Variants in ROR1 observed in about 807,000 individuals in gnomAD.
ROR1 encodes the protein ROR family WNT receptor 1, also known as inactive tyrosine-protein kinase transmembrane receptor ROR1.
Under a neutral mutation model 78.8 loss-of-function variants are expected in ROR1, and 19 were observed. That is an observed-to-expected ratio of 0.24 (90% confidence interval 0.17 to 0.35). The LOEUF (loss-of-function observed/expected upper bound fraction) is 0.35. Ranked by LOEUF, ROR1 falls within the 10% of genes least tolerant of loss-of-function variation. The pLI is 1.00. For synonymous variants in ROR1, 386 were observed against 433.6 expected (o/e 0.89, Z 1.36); for missense variants, 917 against 1,177.8 (o/e 0.78, Z 3.24).
chr1:63,834,885 A>G (rs1007448704), intron 1 of ROR1, among the ~76,000 whole-genome samples: 6 of 151,964 alleles, frequency 3.9e-5, no homozygotes, highest in East Asian at 1.9e-4. Flanking sequence ...TACCTGATCA[A>G]TTCTGCTTGG....
chr1:64,139,971 A>C, intron 5 of ROR1, 138 bp from the exon 6 acceptor site: 10 of 698,362 alleles, frequency 1.4e-5, no homozygotes, highest in South Asian at 2.0e-5. Flanking sequence ...TCTGAAATGA[A>C]TCTCCTTCTC....
intron 1 of ROR1, among the ~76,000 whole-genome samples, chr1:63,874,411 G>A (rs192846974): frequency 3.9e-5 from 6 of 152,182 alleles, no homozygotes; most frequent in Admixed American, 3.3e-4. Flanking sequence ...GGCAGTGGTA[G>A]TGCAGGACAG....
intron 1 of ROR1, among the ~76,000 whole-genome samples, chr1:63,929,423 T>TTCTCTC (rs143762265): frequency 1.3e-4 from 20 of 150,200 alleles, no homozygotes; most frequent in Non-Finnish European, 1.6e-4. Context: ...AGAGTTTCAG[T>TTCTCTC]TCTCTCTCTC....
intron 1 of ROR1, chr1:63,789,104 G>C (rs1644709725): frequency 1.6e-6 from 1 of 615,584 alleles, no homozygotes; most frequent in East Asian, 3.8e-5. Flanking sequence ...GGTAGGCCAA[G>C]GTGTTTTCCT....
At chr1:63,938,613 G>A (rs747435607) in intron 1 of ROR1, among the ~76,000 whole-genome samples, 11 of 152,194 alleles carry the variant, frequency 7.2e-5, no homozygotes, top group African/African-American at 2.4e-4. Context: ...TGAAATCTCC[G>A]TGAAGCCCAT....
chr1:63,910,031 T>A (rs1346072715), intron 1 of ROR1, among the ~76,000 whole-genome samples: 3 of 152,230 alleles, frequency 2.0e-5, no homozygotes, highest in African/African-American at 7.2e-5. Context: ...TAACATTCTC[T>A]TAACAAGGCA....
intron 4 of ROR1, among the ~76,000 whole-genome samples, chr1:64,136,515 C>T (rs1413751936): frequency 6.6e-6 from 1 of 151,954 alleles, no homozygotes; most frequent in African/African-American, 2.4e-5. Flanking sequence ...CGTAGGCCCT[C>T]GTGGGAGATG....
chr1:63,831,847 A>G (rs778073921), intron 1 of ROR1, among the ~76,000 whole-genome samples: 15 of 152,168 alleles, frequency 9.9e-5, no homozygotes, highest in Non-Finnish European at 2.1e-4. Flanking sequence ...TTCCCTTTTA[A>G]ACATAAATCC....
chr1:63,929,554 C>G (rs549886688), intron 1 of ROR1, among the ~76,000 whole-genome samples: 20 of 152,222 alleles, frequency 1.3e-4, no homozygotes, highest in African/African-American at 4.8e-4. Context: ...GGAAAAGCAG[C>G]CTAGAGGGAT....
intron 1 of ROR1, among the ~76,000 whole-genome samples, chr1:63,884,400 G>A (rs539432736): frequency 6.6e-5 from 10 of 152,216 alleles, no homozygotes; most frequent in South Asian, 6.2e-4. Context: ...GGCCTGCCCC[G>A]GTGCCATGAT....
At chr1:63,906,011 A>G (rs1178602552) in intron 1 of ROR1, among the ~76,000 whole-genome samples, 3 of 152,170 alleles carry the variant, frequency 2.0e-5, no homozygotes, top group South Asian at 4.1e-4. Flanking sequence ...TTCCATTTAG[A>G]ATGTTTTTAG....
intron 5 of ROR1, among the ~76,000 whole-genome samples, chr1:64,139,191 A>G (rs901090701): frequency 1.3e-5 from 2 of 150,222 alleles, no homozygotes; most frequent in African/African-American, 2.4e-5. Flanking sequence ...AAAAAAAAAA[A>G]GTGGAAGTTT....
At chr1:63,933,083 G>A (rs766074790) in intron 1 of ROR1, among the ~76,000 whole-genome samples, 1 of 152,136 alleles carries the variant, frequency 6.6e-6, no homozygotes, top group Non-Finnish European at 1.5e-5. Context: ...AAAATTATAA[G>A]AACTGACCCT....
At chr1:64,120,222 TG>T (rs78163791) in intron 4 of ROR1, among the ~76,000 whole-genome samples, 22,957 of 151,986 alleles carry the variant, frequency 0.15, 2,089 homozygotes, top group Non-Finnish European at 0.2. Context: ...AACAGGACCA[TG>T]GAAAGCCTGG....
intron 1 of ROR1, among the ~76,000 whole-genome samples, chr1:63,903,871 C>T (rs1451294277): frequency 1.3e-5 from 2 of 151,724 alleles, no homozygotes; most frequent in East Asian, 3.9e-4. Context: ...TTATAAGAAA[C>T]GAAATAATCA....
In ROR1 at chr1:64,084,955, C is replaced by T. The variant is rs183319058; in HGVS notation, c.482+34239C>T. On this transcript the variant is annotated intron_variant, in intron 4 of 8. Coordinates refer to ENST00000371079, the MANE Select transcript of ROR1 (RefSeq NM_005012.4). ...AAGAGATTTATAATACTTTCTGATTCCATCCAGTTTCAAATAATTTTATGA... is the reference window on the plus strand; with the variant it reads ...AAGAGATTTATAATACTTTCTGATTTCATCCAGTTTCAAATAATTTTATGA... 1.2e-3 allele frequency among the ~76,000 whole-genome samples: 185 copies of T among 152,250 alleles called. 2 individuals are homozygous for T. The highest frequency in any genetic ancestry group is 3.9e-3 in the African/African-American group (163 of 41,558).
intron 1 of ROR1, among the ~76,000 whole-genome samples, chr1:63,855,912 C>T (rs1645145717): frequency 6.6e-6 from 1 of 152,122 alleles, no homozygotes; most frequent in Non-Finnish European, 1.5e-5. Flanking sequence ...CCACCTCGGC[C>T]TCCCAAAGTG....
intron 1 of ROR1, among the ~76,000 whole-genome samples, chr1:63,871,435 TG>T (rs1645250821): frequency 6.6e-6 from 1 of 152,154 alleles, no homozygotes; most frequent in Admixed American, 6.5e-5. Context: ...AGAACTTGAT[TG>T]GTTGCTATGA....
intron 1 of ROR1, among the ~76,000 whole-genome samples, chr1:63,813,799 T>G (rs1294399944): frequency 6.6e-6 from 1 of 152,188 alleles, no homozygotes; most frequent in Non-Finnish European, 1.5e-5. Flanking sequence ...TAGATAGAAG[T>G]CATATTTGTT....
Sources: gnomAD v4.1 joint callset for allele counts (sites outside exome capture counted in the v4.1 genomes callset) on GRCh38, gnomAD v4.1.1 for gene constraint, MANE v1.5 for transcripts, NCBI Gene and HGNC (gene_info 2026-07-23, HGNC 2026-07-21) for gene names.